The following BDH1 variants were observed in gnomAD, a reference collection of about 807,000 sequenced individuals.
BDH1 encodes the protein D-beta-hydroxybutyrate dehydrogenase, mitochondrial.
Under a neutral mutation model 33.1 loss-of-function variants are expected in BDH1, and 30 were observed. The ratio of observed to expected loss-of-function variants is 0.91; its 90% CI spans 0.68 to 1.23. The LOEUF is 1.23. Among genes scored for constraint, BDH1 ranks in the 50% most tolerant of loss-of-function variants. The pLI is 0.00. For missense variants in BDH1, 443 were observed against 464.4 expected (o/e 0.95, Z 0.42); for synonymous variants, 190 against 183.6 (o/e 1.03, Z -0.28).
upstream of BDH1, among the ~76,000 whole-genome samples, chr3:197,559,839 C>A (rs567777557): frequency 2.6e-5 from 4 of 152,350 alleles, no homozygotes; most frequent in South Asian, 8.3e-4. Flanking sequence ...AACCTTTCCC[C>A]ACCTTCTACC....
chr3:197,523,005 G>A lies in BDH1; in HGVS notation c.268-224C>T, dbSNP rs1376901251. 1.9e-6 allele frequency: 1 copy of A among 520,276 alleles called. No homozygotes were observed. The highest frequency in any genetic ancestry group is 3.1e-5 in the East Asian group (1 of 31,836). The allele number at this position is 520,276 out of a possible 1,614,324, so 32.2% of individuals were successfully genotyped here. A position where few individuals can be genotyped will look rare whatever the true frequency, so the allele number is the denominator to read the frequency against. On this transcript the variant is annotated intron_variant, in intron 5 of 7. Coordinates refer to ENST00000392379, the MANE Select transcript of BDH1 (RefSeq NM_203314.3). The surrounding 1 kb of genome is among the most constrained non-coding windows in gnomAD (Gnocchi z 4.5). Reference sequence around the variant, plus strand: ...TGTGCCACAGACACAACCATGAATAGGATGAAGAGCCGGCCCCCAAGGCCT... The same window carrying A: ...TGTGCCACAGACACAACCATGAATAAGATGAAGAGCCGGCCCCCAAGGCCT...
In BDH1 at chr3:197,514,162, G is replaced by A; in HGVS notation, c.562+102C>T. Reference sequence around the variant, plus strand: ...GGATTCACGAGCTCACCTCTGCTGAGTTGTGGACATTGGAGCTGCTGGGAC... The same window carrying A: ...GGATTCACGAGCTCACCTCTGCTGAATTGTGGACATTGGAGCTGCTGGGAC... On this transcript the variant is annotated intron_variant, in intron 7 of 7. Transcript: ENST00000392379. This position sits in a 1 kb window ranked among gnomAD's most constrained non-coding sequence, Gnocchi z 4.2. 6.9e-7 allele frequency: 1 copy of A among 1,443,444 alleles called. No individual in the cohort carries two copies. The highest frequency in any genetic ancestry group is 1.4e-5 in the South Asian group (1 of 71,550). 89.4% of individuals were successfully genotyped at this position (1,443,444 alleles called of 1,614,324 possible). A position where few individuals can be genotyped will look rare whatever the true frequency, so the allele number is the denominator to read the frequency against.
At chr3:197,569,625 A>AT (rs1717542116) in intron 1 of BDH1, among the ~76,000 whole-genome samples, 1 of 152,188 alleles carries the variant, frequency 6.6e-6, no homozygotes. Context: ...TTGGTAGTGA[A>AT]TAAAAACTGA....
intron 2 of BDH1, among the ~76,000 whole-genome samples, chr3:197,549,279 A>C (rs1266627085): frequency 2.0e-5 from 3 of 152,200 alleles, no homozygotes; most frequent in African/African-American, 7.2e-5. Context: ...TTAATGCTAG[A>C]AACACTTGGG....
Position 197,526,567 on chromosome 3 carries a change from C to T in BDH1, c.268-3786G>A, listed in dbSNP as rs1714117575. Among the ~76,000 whole-genome samples the T allele has an allele frequency of 6.6e-6, 1 of 152,222 alleles. No individual in the cohort carries two copies. The highest frequency in any genetic ancestry group is 1.5e-5 in the Non-Finnish European group (1 of 68,038). ...TGCCTCCCCCAGCCGGGCATCTGCT[C>T]CCTCAGCCCCTGGCCTCAGTGATGT... On this transcript the variant is annotated intron_variant, in intron 5 of 7. Coordinates refer to ENST00000392379, the MANE Select transcript of BDH1 (RefSeq NM_203314.3). This position sits in a 1 kb window ranked among gnomAD's most constrained non-coding sequence, Gnocchi z 4.7.
In BDH1 at chr3:197,511,592, C is replaced by T. The variant is rs1422306099; in HGVS notation, c.*303G>A. The T allele has an allele frequency of 2.6e-6, 1 of 384,938 alleles. No homozygotes were observed. Among genetic ancestry groups the T allele is most frequent in the African/African-American group, 2.1e-5 (1 of 48,312 alleles). 23.8% of individuals were successfully genotyped at this position (384,938 alleles called of 1,614,324 possible). On this transcript the variant is annotated 3_prime_UTR_variant, in exon 8 of 8. Transcript: ENST00000392379. ...GACTGGCTTAAGGATCAAATGAGAT[C>T]TGTTTTTAATATAAAGATGTTTTCT... is the stretch of plus-strand genomic sequence containing the variant.
intron 1 of BDH1, among the ~76,000 whole-genome samples, chr3:197,566,595 T>C (rs1717441866): frequency 6.6e-6 from 1 of 152,234 alleles, no homozygotes; most frequent in Non-Finnish European, 1.5e-5. Flanking sequence ...GGCTGCATTG[T>C]ATACAAATAA....
chr3:197,515,125 T>G (rs763399118), intron 6 of BDH1, among the ~76,000 whole-genome samples: 12 of 152,272 alleles, frequency 7.9e-5, no homozygotes, highest in Non-Finnish European at 1.6e-4. Context: ...TCCAAGTTAA[T>G]CATGGAAATG....
chr3:197,524,258 G>A (rs1422075773), intron 5 of BDH1, among the ~76,000 whole-genome samples: 1 of 152,210 alleles, frequency 6.6e-6, no homozygotes, highest in Non-Finnish European at 1.5e-5. Context: ...AGAGTAAAGG[G>A]GTAGAGAAAT....
chr3:197,539,137 G>T (rs1037424195), intron 3 of BDH1, among the ~76,000 whole-genome samples: 6 of 152,224 alleles, frequency 3.9e-5, no homozygotes, highest in Non-Finnish European at 1.5e-5. Context: ...TTGAGATGGA[G>T]TTATATTTGA....
chr3:197,513,087 C>G (rs1712252334), intron 7 of BDH1, among the ~76,000 whole-genome samples: 1 of 152,196 alleles, frequency 6.6e-6, no homozygotes, highest in Admixed American at 6.5e-5. Context: ...GATTTCTGAA[C>G]CTGACTTCAG....
chr3:197,569,286 T>A (rs1389307611), intron 1 of BDH1, among the ~76,000 whole-genome samples: 1 of 152,116 alleles, frequency 6.6e-6, no homozygotes, highest in Non-Finnish European at 1.5e-5. Flanking sequence ...GAACTCAGCA[T>A]GGAGTACAGA....
intron 3 of BDH1, among the ~76,000 whole-genome samples, chr3:197,540,514 C>G (rs1300528321): frequency 6.6e-6 from 1 of 151,656 alleles, no homozygotes; most frequent in Admixed American, 6.6e-5. Flanking sequence ...ACTAAAAATA[C>G]AAAAATTAGC....
At chr3:197,539,141 T>C (rs1715391742) in intron 3 of BDH1, among the ~76,000 whole-genome samples, 1 of 152,174 alleles carries the variant, frequency 6.6e-6, no homozygotes, top group African/African-American at 2.4e-5. Flanking sequence ...GATGGAGTTA[T>C]ATTTGAGATG....
exon 1 of BDH1, chr3:197,573,272 C>T (rs557141936): frequency 1.3e-5 from 2 of 152,138 alleles, no homozygotes; most frequent in South Asian, 2.1e-4. Flanking sequence ...GTTGACAGGG[C>T]GTATTGACAC....
At chr3:197,548,369 T>C (rs1262277404) in intron 2 of BDH1, among the ~76,000 whole-genome samples, 1 of 152,164 alleles carries the variant, frequency 6.6e-6, no homozygotes, top group African/African-American at 2.4e-5. Flanking sequence ...GAGTCTGAGG[T>C]CACCATCACT....
At position 197,521,090 on chromosome 3, in the gene BDH1, T is replaced by C. The variant is rs1713496509; in HGVS notation, c.409+1550A>G. On this transcript the variant is annotated intron_variant, in intron 6 of 7. Transcript: ENST00000392379. The surrounding 1 kb of genome is among the most constrained non-coding windows in gnomAD (Gnocchi z 4.9). ...TCCCCGCATGGGATCTGGTCACTCC[T>C]GCCTTTTCCGCCTCCTTCCCCAGCC... Among the ~76,000 whole-genome samples, 1 of 152,172 alleles carries C rather than the reference T, an allele frequency of 6.6e-6. No individual in the cohort carries two copies. The highest frequency in any genetic ancestry group is 2.4e-5 in the African/African-American group (1 of 41,444).
upstream of BDH1, among the ~76,000 whole-genome samples, chr3:197,558,912 G>A (rs1032198344): frequency 2.0e-5 from 3 of 151,884 alleles, no homozygotes; most frequent in Admixed American, 1.3e-4. Flanking sequence ...TGTCCCTCCC[G>A]AGAACCTCTC....
intron 2 of BDH1, among the ~76,000 whole-genome samples, chr3:197,550,299 G>A (rs2108762916): frequency 6.6e-6 from 1 of 152,252 alleles, no homozygotes; most frequent in Non-Finnish European, 1.5e-5. Flanking sequence ...TCTAACATTA[G>A]GCACACCCAA....
Sources: allele counts gnomAD v4.1 joint callset (sites outside exome capture counted in the v4.1 genomes callset), GRCh38; gene constraint gnomAD v4.1.1; non-coding constraint Gnocchi (gnomAD v3.1); transcripts MANE v1.5; gene names NCBI Gene and HGNC (gene_info 2026-07-23, HGNC 2026-07-21).